The following FARS2 variants were observed in gnomAD, a reference collection of about 807,000 sequenced individuals.
The protein encoded by FARS2 is phenylalanine--tRNA ligase, mitochondrial.
In FARS2, 40 loss-of-function variants were observed where a neutral mutation model predicts 46.4. That is an observed-to-expected ratio of 0.86 (90% CI 0.67 to 1.12). The LOEUF (loss-of-function observed/expected upper bound fraction) is 1.12, where lower values mean the gene tolerates loss of function less well. FARS2 is among the 50% of genes most tolerant of loss of function. The pLI, the probability that FARS2 is intolerant of heterozygous loss-of-function variation, is 0.00. For synonymous variants in FARS2, 234 were observed against 214.9 expected (o/e 1.09, Z -0.78); for missense variants, 513 against 567.9 (o/e 0.90, Z 0.98).
At chr6:5,414,191 T>C (rs1159561965) in intron 3 of FARS2, among the ~76,000 whole-genome samples, 2 of 152,224 alleles carry the variant, frequency 1.3e-5, no homozygotes, top group Non-Finnish European at 2.9e-5. Flanking sequence ...GATTTCCAAA[T>C]TATAAAATTC....
At chr6:5,544,677 GT>G (rs1400218794) in intron 4 of FARS2, among the ~76,000 whole-genome samples, 2 of 152,120 alleles carry the variant, frequency 1.3e-5, no homozygotes, top group African/African-American at 4.8e-5. Flanking sequence ...GCATTATGGT[GT>G]TTAATAAAAC....
At chr6:5,388,862 C>G (rs1376488889) in intron 2 of FARS2, among the ~76,000 whole-genome samples, 2 of 152,020 alleles carry the variant, frequency 1.3e-5, no homozygotes, top group African/African-American at 4.8e-5. Context: ...TGGAACTTTG[C>G]TCTCTGGTAT....
the FARS2 span, among the ~76,000 whole-genome samples, chr6:5,253,859 G>A: frequency 1.3e-5 from 2 of 149,708 alleles, no homozygotes; most frequent in African/African-American, 2.5e-5. Flanking sequence ...CCATCGTTTT[G>A]AAGTGTTGTC....
chr6:5,609,275 C>A lies in FARS2; in HGVS notation c.1066-3894C>A, dbSNP rs188206047. 3.4e-3 allele frequency: 3,597 copies of A among 1,047,410 alleles called. 51 individuals are homozygous for A. In the African/African-American group the frequency reaches 0.039, roughly 11 times the overall value. The allele number at this position is 1,047,410 out of a possible 1,614,324, so 64.9% of individuals were successfully genotyped here. Reference sequence around the variant, plus strand: ...AGCTACTGCTGCTACTGGAACTGCCCTAGCCACCTTGGTTTCATGGTTTGG... The same window carrying A: ...AGCTACTGCTGCTACTGGAACTGCCATAGCCACCTTGGTTTCATGGTTTGG... On this transcript the variant is annotated intron_variant, in intron 5 of 6. Coordinates refer to ENST00000274680, the MANE Select transcript of FARS2 (RefSeq NM_006567.5).
intron 6 of FARS2, among the ~76,000 whole-genome samples, chr6:5,711,291 G>GATGA (rs34840036): frequency 0.37 from 55,915 of 151,260 alleles, 10,739 homozygotes; most frequent in Non-Finnish European, 0.43. Context: ...ATGCGGGATG[G>GATGA]ATGAATGAAT....
chr6:5,746,660 T>C (rs1178049553), intron 6 of FARS2, among the ~76,000 whole-genome samples: 1 of 65,846 alleles, frequency 1.5e-5, no homozygotes, highest in Non-Finnish European at 3.0e-5. Context: ...TAGGCAGAGG[T>C]GGGGGTGGGG....
intron 6 of FARS2, among the ~76,000 whole-genome samples, chr6:5,717,351 ATGTG>A (rs58875741): frequency 0.012 from 1,647 of 141,720 alleles, 11 homozygotes; most frequent in East Asian, 0.015. Context: ...AGATATGTAT[ATGTG>A]TGTGTGTGTG....
At chr6:5,250,756 T>C in the FARS2 span, among the ~76,000 whole-genome samples, 8 of 152,126 alleles carry the variant, frequency 5.3e-5, no homozygotes, top group Non-Finnish European at 8.8e-5. Context: ...ACTTAGAAAA[T>C]TTTACAAAGC....
intron 4 of FARS2, among the ~76,000 whole-genome samples, chr6:5,504,944 A>ACACCTGGT (rs1768019567): frequency 6.6e-6 from 1 of 152,144 alleles, no homozygotes. Context: ...CTGGGACCAC[A>ACACCTGGT]GATGCAAGCC....
At chr6:5,534,865 A>T (rs1770099287) in intron 4 of FARS2, among the ~76,000 whole-genome samples, 1 of 152,044 alleles carries the variant, frequency 6.6e-6, no homozygotes, top group African/African-American at 2.4e-5. Context: ...ACGCGCACAC[A>T]CACACACACA....
chr6:5,265,939 T>A (rs1884977), intron 1 of FARS2, among the ~76,000 whole-genome samples: 118,531 of 151,810 alleles, frequency 0.78, 46,510 homozygotes, highest in African/African-American at 0.85. Context: ...AATTTTTTTT[T>A]AAAATTCTCT....
At position 5,525,222 on chromosome 6, in the gene FARS2, T is replaced by C. The variant is rs1161005206; in HGVS notation, c.905-19958T>C. Among the ~76,000 whole-genome samples the C allele has an allele frequency of 4.6e-5, 7 of 151,766 alleles. 1 individual carries two copies. Among genetic ancestry groups the C allele is most frequent in the Non-Finnish European group, 7.4e-5 (5 of 67,942 alleles). On this transcript the variant is annotated intron_variant, in intron 4 of 6. Transcript: ENST00000274680. The stretch of plus-strand genomic sequence containing the variant: ...CCCATAAAAAAACTGTTATTTTCTA[T>C]GTTGATAGAAAGAAATCCATTTGGT...
chr6:5,273,265 T>C (rs536623828), intron 1 of FARS2, among the ~76,000 whole-genome samples: 97 of 152,352 alleles, frequency 6.4e-4, no homozygotes, highest in African/African-American at 2.3e-3. Flanking sequence ...ATATTGGCTA[T>C]ACTAACTTAT....
intron 6 of FARS2, among the ~76,000 whole-genome samples, chr6:5,621,364 T>C (rs555073538): frequency 1.3e-5 from 2 of 152,224 alleles, no homozygotes; most frequent in South Asian, 4.1e-4. Flanking sequence ...ATGTTGGGAT[T>C]ACAGGTGTGA....
At chr6:5,696,503 G>A (rs1758112295) in intron 6 of FARS2, among the ~76,000 whole-genome samples, 1 of 152,000 alleles carries the variant, frequency 6.6e-6, no homozygotes, top group Non-Finnish European at 1.5e-5. Flanking sequence ...TTCCACAATA[G>A]GTATGGCCCC....
In FARS2 at chr6:5,304,324, A is replaced by G. The variant is rs73365090; in HGVS notation, c.-22+42664A>G. Among the ~76,000 whole-genome samples, 924 of 152,316 alleles carry G rather than the reference A, an allele frequency of 6.1e-3. 11 individuals are homozygous for G. The highest frequency in any genetic ancestry group is 0.021 in the African/African-American group (890 of 41,548). ...TCATATTCTGTTGTGATGCCACATC[A>G]TTAATTATTTAACTCTGTTGTTGAC... On this transcript the variant is annotated intron_variant, in intron 1 of 6. Transcript: ENST00000274680.
intron 1 of FARS2, among the ~76,000 whole-genome samples, chr6:5,268,025 C>G (rs1294319152): frequency 1.3e-5 from 2 of 151,962 alleles, no homozygotes; most frequent in African/African-American, 2.4e-5. Flanking sequence ...CTGTTCATAT[C>G]CTTCGCCCAC....
chr6:5,687,364 TTAATTTTTGTA>T (rs1402244488), intron 6 of FARS2, among the ~76,000 whole-genome samples: 2 of 152,226 alleles, frequency 1.3e-5, no homozygotes, highest in Non-Finnish European at 2.9e-5. Context: ...CCATCTCGCA[TTAATTTTTGTA>T]TAAGGTGTAA....
intron 6 of FARS2, among the ~76,000 whole-genome samples, chr6:5,616,112 T>C (rs959867948): frequency 1.3e-5 from 2 of 151,966 alleles, no homozygotes; most frequent in African/African-American, 2.4e-5. Flanking sequence ...GTTTCTTCTC[T>C]TCACTTCCTC....
Sources: allele counts gnomAD v4.1 joint callset (sites outside exome capture counted in the v4.1 genomes callset), GRCh38; gene constraint gnomAD v4.1.1; transcripts MANE v1.5; gene names NCBI Gene and HGNC (gene_info 2026-07-23, HGNC 2026-07-21).